Variants in RAP1GAP observed in about 807,000 individuals in gnomAD.
The protein encoded by RAP1GAP is rap1 GTPase-activating protein 1.
Under a neutral mutation model 87.2 loss-of-function variants are expected in RAP1GAP, and 35 were observed. The ratio of observed to expected loss-of-function variants is 0.40; its 90% CI spans 0.31 to 0.53. The LOEUF (loss-of-function observed/expected upper bound fraction) is 0.53. RAP1GAP is among the 20% of genes least tolerant of loss of function. The pLI is 0.48. For missense variants in RAP1GAP, 734 were observed against 898.9 expected (o/e 0.82, Z 2.35); for synonymous variants, 375 against 363.9 (o/e 1.03, Z -0.35).
At chr1:21,623,932 C>T (rs958106032) in intron 3 of RAP1GAP, among the ~76,000 whole-genome samples, 1 of 152,226 alleles carries the variant, frequency 6.6e-6, no homozygotes, top group Non-Finnish European at 1.5e-5. Flanking sequence ...GTGTGTGAGA[C>T]TCCACGACCG....
chr1:21,637,403 C>G (rs928248614), intron 2 of RAP1GAP, among the ~76,000 whole-genome samples: 1 of 151,986 alleles, frequency 6.6e-6, no homozygotes, highest in African/African-American at 2.4e-5. Context: ...ATCCACCTGC[C>G]TCAGCCTCCC....
In RAP1GAP at chr1:21,622,658, G is replaced by A. The variant is rs1558739446; in HGVS notation, c.-18-2608C>T. ...GGCGCTGAAGCCACGCCCCCCGGGCGGCCCGGCCCGCGGCCCCGGGACACC... is the reference window on the plus strand; with the variant it reads ...GGCGCTGAAGCCACGCCCCCCGGGCAGCCCGGCCCGCGGCCCCGGGACACC... On this transcript the variant is annotated intron_variant, in intron 3 of 24. Coordinates refer to ENST00000374765, the MANE Select transcript of RAP1GAP (RefSeq NM_002885.4). This position sits in a 1 kb window ranked among gnomAD's most constrained non-coding sequence, Gnocchi z 5.7. The A allele has an allele frequency of 1.3e-5, 2 of 148,956 alleles. No individual in the cohort carries two copies. The highest frequency in any genetic ancestry group is 1.3e-4 in the Admixed American group (2 of 14,992). 9.2% of individuals were successfully genotyped at this position (148,956 alleles called of 1,614,324 possible). A position where few individuals can be genotyped will look rare whatever the true frequency, so the allele number is the denominator to read the frequency against.
intron 2 of RAP1GAP, among the ~76,000 whole-genome samples, chr1:21,629,543 G>A (rs1240173805): frequency 6.6e-6 from 1 of 152,118 alleles, no homozygotes; most frequent in East Asian, 1.9e-4. Flanking sequence ...CCTGTCCCCC[G>A]AAGGCAACTC....
At chr1:21,642,253 C>A (rs1348844584) in intron 2 of RAP1GAP, among the ~76,000 whole-genome samples, 1 of 152,248 alleles carries the variant, frequency 6.6e-6, no homozygotes, top group Non-Finnish European at 1.5e-5. Flanking sequence ...ACACACCAAG[C>A]GCAATTCCGC....
At chr1:21,608,184 C>A (rs748412283) in intron 17 of RAP1GAP, 29 bp downstream of exon 17, 1 of 1,611,530 alleles carries the variant, frequency 6.2e-7, no homozygotes, top group Non-Finnish European at 8.5e-7. Flanking sequence ...GTCCCTGCTC[C>A]CCGGCCAGTT....
chr1:21,620,521 A>G (rs1360575498), intron 3 of RAP1GAP, among the ~76,000 whole-genome samples: 2 of 144,458 alleles, frequency 1.4e-5, no homozygotes, highest in Admixed American at 7.0e-5. Flanking sequence ...TTCAGGGAAG[A>G]GGACACTGGG....
At chr1:21,630,736 T>G (rs1313002854) in intron 2 of RAP1GAP, among the ~76,000 whole-genome samples, 3 of 151,910 alleles carry the variant, frequency 2.0e-5, no homozygotes, top group African/African-American at 7.3e-5. Flanking sequence ...TTGTTGTTGT[T>G]GTTGAGATGG....
At chr1:21,659,914 A>C (rs2097049073) in intron 1 of RAP1GAP, among the ~76,000 whole-genome samples, 1 of 152,150 alleles carries the variant, frequency 6.6e-6, no homozygotes, top group Non-Finnish European at 1.5e-5. Context: ...GGCTTGCCTA[A>C]GGATCAGTGG....
chr1:21,659,194 A>ACC (rs1435520007), intron 1 of RAP1GAP, among the ~76,000 whole-genome samples: 1 of 151,936 alleles, frequency 6.6e-6, no homozygotes, highest in Admixed American at 6.5e-5. Flanking sequence ...CGTGAACCAC[A>ACC]GTGCCCGGCC....
At chr1:21,612,627 C>T (rs2079099444) in intron 10 of RAP1GAP, among the ~76,000 whole-genome samples, 1 of 152,194 alleles carries the variant, frequency 6.6e-6, no homozygotes, top group Non-Finnish European at 1.5e-5. Flanking sequence ...TCCTGGACCA[C>T]ACCACCTCAC....
chr1:21,666,491 G>A (rs1010029848), intron 1 of RAP1GAP, among the ~76,000 whole-genome samples: 4 of 152,158 alleles, frequency 2.6e-5, no homozygotes, highest in Non-Finnish European at 5.9e-5. Flanking sequence ...GTGGCAACCC[G>A]CTGGGTATGT....
intron 2 of RAP1GAP, among the ~76,000 whole-genome samples, chr1:21,642,174 G>C (rs931212546): frequency 6.6e-6 from 1 of 152,208 alleles, no homozygotes; most frequent in African/African-American, 2.4e-5. Flanking sequence ...CCACGGCTGG[G>C]GTGTACAGTC....
At chr1:21,657,785 C>T (rs2096923318) in intron 1 of RAP1GAP, among the ~76,000 whole-genome samples, 1 of 152,234 alleles carries the variant, frequency 6.6e-6, no homozygotes, top group South Asian at 2.1e-4. Context: ...CATTTCTCAT[C>T]ACAAGTGCCT....
Position 21,603,426 on chromosome 1 carries a change from CA to C in RAP1GAP, c.1429-514del, listed in dbSNP as rs1366214040. ...GCCCCAGGCCCCAGAAGCCCGCCCC[CA>C]GCTTCTCTGGAGGCAGGAAGGGGTA... is the stretch of plus-strand genomic sequence containing the variant. On this transcript the variant is annotated intron_variant, in intron 18 of 24. Transcript: ENST00000374765. The surrounding 1 kb of genome is among the most constrained non-coding windows in gnomAD (Gnocchi z 6.0). 11 of 556,672 alleles carry C rather than the reference CA, an allele frequency of 2.0e-5. No homozygotes were observed. The highest frequency in any genetic ancestry group is 3.2e-5 in the Non-Finnish European group (10 of 313,114). 34.5% of individuals were successfully genotyped at this position (556,672 alleles called of 1,614,324 possible).
chr1:21,618,003 C>T, intron 5 of RAP1GAP, 31 bp from the exon 6 acceptor site: 1 of 1,613,946 alleles, frequency 6.2e-7, no homozygotes, highest in Non-Finnish European at 8.5e-7. Context: ...AAGGGTCTCT[C>T]CATCTGTCCA....
chr1:21,617,936 C>T lies in RAP1GAP; in HGVS notation c.103G>A (p.Glu35Lys), dbSNP rs1236843410. 6 of 1,613,996 alleles carry T rather than the reference C, an allele frequency of 3.7e-6. No homozygotes were observed. Among genetic ancestry groups the T allele is most frequent in the East Asian group, 2.2e-5 (1 of 44,890 alleles). ...EDYIPYPSVH[E>K]VLGREGPFPL... ...GGCGCGGGGTTCTAGCTGAGTACCT[C>T]GTGCACGCTCGGGTATGGAATGTAG... is the stretch of plus-strand genomic sequence containing the variant. The change falls in exon 6 of 25, where the codon GAG (glutamate) becomes AAG (lysine). Residue 35 changes from glutamate (E) to lysine (K), a missense_variant and splice_region_variant. Transcript: ENST00000374765.
chr1:21,603,908 A>T lies in RAP1GAP; in HGVS notation c.1429-995T>A. On this transcript the variant is annotated intron_variant, in intron 18 of 24. Transcript: ENST00000374765. This position sits in a 1 kb window ranked among gnomAD's most constrained non-coding sequence, Gnocchi z 6.0. ...ACTCGCACTTTTCCCAGGAATAAGC[A>T]ATGACTGGCAAGCAGCAGAGGGCGG... The T allele has an allele frequency of 6.5e-7, 1 of 1,540,488 alleles. No individual in the cohort carries two copies.
intron 1 of RAP1GAP, among the ~76,000 whole-genome samples, chr1:21,656,059 G>C (rs1275282121): frequency 6.6e-6 from 1 of 152,236 alleles, no homozygotes; most frequent in Non-Finnish European, 1.5e-5. Context: ...CTCTTGTGTG[G>C]CTTTGCATTA....
chr1:21,664,951 C>T (rs1180445063), intron 1 of RAP1GAP, among the ~76,000 whole-genome samples: 4 of 152,156 alleles, frequency 2.6e-5, no homozygotes, highest in Admixed American at 2.0e-4. Flanking sequence ...TCGTCATCCC[C>T]GTTCTAGGGA....
Sources: gnomAD v4.1 joint callset for allele counts (sites outside exome capture counted in the v4.1 genomes callset) on GRCh38, gnomAD v4.1.1 for gene constraint, Gnocchi (gnomAD v3.1) non-coding constraint, MANE v1.5 for transcripts, NCBI Gene and HGNC (gene_info 2026-07-23, HGNC 2026-07-21) for gene names.